Variants in CRB1 observed in about 807,000 individuals in gnomAD.
The protein encoded by CRB1 is protein crumbs homolog 1.
CRB1 carries 83 observed loss-of-function variants against 120.0 expected under a neutral mutation model. The ratio of observed to expected loss-of-function variants is 0.69; its 90% CI spans 0.58 to 0.83. The LOEUF is 0.83. Ranked by LOEUF, CRB1 falls within the 40% of genes least tolerant of loss-of-function variation. CRB1 has a pLI of 0.00. For synonymous variants in CRB1, 625 were observed against 612.5 expected, an observed-to-expected ratio of 1.02 and a Z score of -0.30; for missense variants, 1,699 against 1,687.6, an observed-to-expected ratio of 1.01 and a Z score of -0.12.
chr1:197,302,361 G>C (rs951926165), intron 1 of CRB1, among the ~76,000 whole-genome samples: 2 of 152,202 alleles, frequency 1.3e-5, no homozygotes, highest in African/African-American at 4.8e-5. Flanking sequence ...ACAGTATAGT[G>C]TAAGTATAAC....
the CRB1 span, among the ~76,000 whole-genome samples, chr1:197,226,285 A>T: frequency 6.6e-6 from 1 of 152,210 alleles, no homozygotes; most frequent in Non-Finnish European, 1.5e-5. Context: ...AGCTACTAAT[A>T]TATTTTATGC....
chr1:197,402,753 A>G (rs1663131620), intron 5 of CRB1, among the ~76,000 whole-genome samples: 1 of 152,220 alleles, frequency 6.6e-6, no homozygotes, highest in East Asian at 1.9e-4. Flanking sequence ...AAAAAATTAC[A>G]TAAACCAAGT....
the CRB1 span, among the ~76,000 whole-genome samples, chr1:197,239,372 A>G: frequency 4.6e-5 from 7 of 152,082 alleles, no homozygotes; most frequent in African/African-American, 1.7e-4. Flanking sequence ...AAGTTCTATC[A>G]ATTTTTGCTT....
intron 11 of CRB1, among the ~76,000 whole-genome samples, chr1:197,460,409 T>C (rs987980010): frequency 2.0e-5 from 3 of 152,038 alleles, no homozygotes; most frequent in African/African-American, 7.2e-5. Flanking sequence ...AGCCAGAAGA[T>C]TAAAAAAGCA....
At chr1:197,359,550 T>C (rs1660667570) in intron 5 of CRB1, among the ~76,000 whole-genome samples, 1 of 152,218 alleles carries the variant, frequency 6.6e-6, no homozygotes, top group African/African-American at 2.4e-5. Flanking sequence ...ATAAAGCTGC[T>C]AGAAACATTG....
chr1:197,350,325 C>T (rs1660026937), intron 4 of CRB1, among the ~76,000 whole-genome samples: 1 of 152,070 alleles, frequency 6.6e-6, no homozygotes, highest in Admixed American at 6.5e-5. Flanking sequence ...AAATACTTTA[C>T]TTGTAGTATT....
the CRB1 span, among the ~76,000 whole-genome samples, chr1:197,209,439 A>G: frequency 6.6e-6 from 1 of 152,050 alleles, no homozygotes; most frequent in Non-Finnish European, 1.5e-5. Context: ...TCCACCTCCC[A>G]GGCTCAAGCA....
the CRB1 span, among the ~76,000 whole-genome samples, chr1:197,250,058 G>A: frequency 6.6e-6 from 1 of 151,930 alleles, no homozygotes; most frequent in Non-Finnish European, 1.5e-5. Flanking sequence ...TTTTCAGTAA[G>A]AGCAAATATA....
upstream of CRB1, among the ~76,000 whole-genome samples, chr1:197,265,893 T>A (rs1654620175): frequency 6.6e-6 from 1 of 152,198 alleles, no homozygotes; most frequent in Admixed American, 6.5e-5. Flanking sequence ...GCTACATTGC[T>A]GCTAGATTTA....
chr1:197,383,449 A>C (rs957806737), intron 5 of CRB1, among the ~76,000 whole-genome samples: 18 of 152,198 alleles, frequency 1.2e-4, no homozygotes, highest in Non-Finnish European at 5.9e-5. Context: ...GTCCTGAAGC[A>C]AGAATTAAGG....
intron 9 of CRB1, chr1:197,437,998 G>T (rs1471688964): frequency 2.6e-5 from 4 of 156,370 alleles, no homozygotes; most frequent in African/African-American, 9.7e-5. Context: ...TTCACATGCA[G>T]TTACCATCGT....
At chr1:197,398,670 T>C (rs778712909) in intron 5 of CRB1, among the ~76,000 whole-genome samples, 2 of 152,074 alleles carry the variant, frequency 1.3e-5, no homozygotes, top group Non-Finnish European at 2.9e-5. Flanking sequence ...TCAGCGAACA[T>C]AAGAAAAGGA....
intron 1 of CRB1, among the ~76,000 whole-genome samples, chr1:197,290,179 A>T (rs1010383447): frequency 3.3e-5 from 5 of 151,622 alleles, no homozygotes; most frequent in African/African-American, 1.2e-4. Context: ...CATCCTGGTC[A>T]TATCCCTGTA....
the CRB1 span, among the ~76,000 whole-genome samples, chr1:197,242,388 G>C: frequency 2.6e-5 from 4 of 152,194 alleles, no homozygotes; most frequent in South Asian, 2.1e-4. Flanking sequence ...TAGCATGAAG[G>C]GGTGTTTAAT....
chr1:197,427,884 AG>A lies in CRB1; in HGVS notation c.2560del (p.Asp854MetfsTer2). 6.2e-7 allele frequency: 1 copy of A among 1,614,066 alleles called. No individual in the cohort carries two copies. Among genetic ancestry groups the A allele is most frequent in the South Asian group, 1.1e-5 (1 of 91,084 alleles). On this transcript the variant is annotated frameshift_variant, in exon 7 of 12. Transcript: ENST00000367400. LOFTEE classifies it high-confidence loss of function. ...NGGFFKGCIQ[D>X]VRLNNQNLEF... ...GTGGATTCTTCAAAGGCTGTATCCA[AG>A]ATGTAAGACTAAACAACCAAAATCT...
chr1:197,329,413 A>C (rs1474973676), intron 2 of CRB1, among the ~76,000 whole-genome samples: 1 of 152,176 alleles, frequency 6.6e-6, no homozygotes, highest in African/African-American at 2.4e-5. Context: ...TCTAGTGCTG[A>C]CTTGAGTATT....
chr1:197,442,673 A>G (rs1665512441), intron 11 of CRB1: 1 of 618,728 alleles, frequency 1.6e-6, no homozygotes, highest in Non-Finnish European at 2.5e-6. Context: ...TTTAGTACAA[A>G]CATATTATCA....
At chr1:197,450,784 C>CAAAAAAAAAAAAAAA (rs71131758) in intron 11 of CRB1, among the ~76,000 whole-genome samples, 1 of 59,610 alleles carries the variant, frequency 1.7e-5, no homozygotes, top group African/African-American at 8.5e-5. Flanking sequence ...ACTAAAAATA[C>CAAAAAAAAAAAAAAA]AAAAAAAAAA....
chr1:197,267,113 A>C (rs1182407649), upstream of CRB1, among the ~76,000 whole-genome samples: 1 of 152,204 alleles, frequency 6.6e-6, no homozygotes, highest in Admixed American at 6.5e-5. Flanking sequence ...CTCTGGGCAC[A>C]CAGAATAATT....
Sources: gnomAD v4.1 joint callset for allele counts (sites outside exome capture counted in the v4.1 genomes callset) on GRCh38, gnomAD v4.1.1 for gene constraint, MANE v1.5 for transcripts, NCBI Gene and HGNC (gene_info 2026-07-23, HGNC 2026-07-21) for gene names.